ZNF43: variants seen among roughly 807,000 people sequenced by gnomAD.
The protein encoded by ZNF43 is zinc finger protein 43.
A neutral mutation model predicts 68.4 loss-of-function variants in ZNF43; 44 were observed. The ratio of observed to expected loss-of-function variants is 0.64; its 90% CI spans 0.51 to 0.83. The LOEUF (loss-of-function observed/expected upper bound fraction) is 0.83, where lower values mean the gene tolerates loss of function less well. ZNF43 is among the 40% of genes least tolerant of loss of function. The pLI is 0.00. For missense variants in ZNF43, 896 were observed against 933.2 expected (o/e 0.96, Z 0.52); for synonymous variants, 308 against 307.8 (o/e 1.00, Z -0.01).
In ZNF43 at chr19:21,825,458, G is replaced by A. The variant is rs368570751; in HGVS notation, c.4-6237C>T. ...AAAGGGAGGAGAAAGAAATAATTGT[G>A]TTCTCATTTTAATGTCTCTGAGTTT... On this transcript the variant is annotated intron_variant, in intron 1 of 3. Transcript: ENST00000354959. 7.9e-5 allele frequency among the ~76,000 whole-genome samples: 12 copies of A among 152,200 alleles called. No individual in the cohort carries two copies. The East Asian group carries it at 2.1e-3, about 27-fold the overall frequency.
chr19:21,807,546 G>T lies in ZNF43; in HGVS notation c.*61C>A. ...AATTATCTTACCTACAATCAAGTGT[G>T]ACAACCATGTAAAGCCTTTATCACA... On this transcript the variant is annotated 3_prime_UTR_variant, in exon 4 of 4. Coordinates refer to ENST00000354959, the MANE Select transcript of ZNF43 (RefSeq NM_003423.4). 7.1e-7 allele frequency: 1 copy of T among 1,413,076 alleles called. No individual in the cohort carries two copies. The highest frequency in any genetic ancestry group is 9.4e-7 in the Non-Finnish European group (1 of 1,059,770). 87.5% of individuals were successfully genotyped at this position (1,413,076 alleles called of 1,614,324 possible).
At position 21,808,004 on chromosome 19, in the gene ZNF43, T is replaced by C. The variant is rs753496175; in HGVS notation, c.2033A>G (p.Tyr678Cys). ...HKIIHTGEKP[Y>C]KCEECGKAFK... ...AGCTTTGCCACATTCTTCACATTTG[T>C]AGGGTTTCTCTCCAGTATGAATTAT... Residue 678 changes from tyrosine to cysteine, a missense_variant, in exon 4 of 4, where the codon TAC becomes TGC. Transcript: ENST00000354959. 2 of 1,612,900 alleles carry C rather than the reference T, an allele frequency of 1.2e-6. No homozygotes were observed. Among genetic ancestry groups the C allele is most frequent in the Admixed American group, 1.7e-5 (1 of 60,020 alleles).
chr19:21,838,907 A>G (rs891166939), upstream of ZNF43: 1 of 152,172 alleles, frequency 6.6e-6, no homozygotes, highest in Non-Finnish European at 1.5e-5. Context: ...AAGATAAACA[A>G]GATACACTGC....
intron 3 of ZNF43, among the ~76,000 whole-genome samples, chr19:21,815,486 C>CATATATATATGTATAT (rs2037478047): frequency 7.2e-6 from 1 of 139,546 alleles, no homozygotes; most frequent in Non-Finnish European, 1.5e-5. Context: ...AACTAAATTA[C>CATATATATATGTATAT]ATATATATAT....
chr19:21,817,374 G>A (rs1568357464), intron 3 of ZNF43, among the ~76,000 whole-genome samples: 6 of 151,998 alleles, frequency 3.9e-5, no homozygotes. Context: ...AAGCAATCTT[G>A]AGGAAAAAGA....
intron 1 of ZNF43, among the ~76,000 whole-genome samples, chr19:21,846,029 G>A (rs1309297962): frequency 1.3e-5 from 2 of 152,050 alleles, no homozygotes; most frequent in South Asian, 2.1e-4. Flanking sequence ...CCTAAATGCT[G>A]CATCCAGCAA....
At position 21,807,015 on chromosome 19, in the gene ZNF43, G is replaced by A. The variant is rs1419523446; in HGVS notation, c.*592C>T. 6.6e-6 allele frequency: 1 copy of A among 151,920 alleles called. No individual in the cohort carries two copies. Among genetic ancestry groups the A allele is most frequent in the East Asian group, 1.9e-4 (1 of 5,178 alleles). The allele number at this position is 151,920 out of a possible 1,614,324, so 9.4% of individuals were successfully genotyped here. ...GGTTTTTCTCCAATATAAATTCCCTGATGTTGAATAAACTTTGTACTATCA... is the reference window on the plus strand; with the variant it reads ...GGTTTTTCTCCAATATAAATTCCCTAATGTTGAATAAACTTTGTACTATCA... On this transcript the variant is annotated 3_prime_UTR_variant, in exon 4 of 4. Transcript: ENST00000354959.
rs926974599 is a variant in ZNF43, at chr19:21,808,340, T to C, written c.1697A>G (p.Tyr566Cys). The change falls in exon 4 of 4, where the codon TAC becomes TGC. Residue 566 changes from tyrosine (Y) to cysteine (C), a missense_variant. By Grantham distance (194) the Tyr-to-Cys change is radical (BLOSUM62 -2). Coordinates refer to ENST00000354959, the MANE Select transcript of ZNF43 (RefSeq NM_003423.4). The part of the protein sequence containing the change: ...HKRIHTGEKP[Y>C]KCEECGKAFT... ...AGCTTTGCCACATTCTTCACACTTG[T>C]AGGGTTTCTCTCCAGTATGAATCCT... 1.1e-5 allele frequency: 18 copies of C among 1,612,968 alleles called. No homozygotes were observed. Among genetic ancestry groups the C allele is most frequent in the East Asian group, 4.5e-5 (2 of 44,844 alleles).
At chr19:21,818,688 G>A (rs1043946592) in intron 2 of ZNF43, among the ~76,000 whole-genome samples, 3 of 152,120 alleles carry the variant, frequency 2.0e-5, no homozygotes, top group Non-Finnish European at 2.9e-5. Context: ...CCAGAGTACC[G>A]GGATTACAGG....
intron 1 of ZNF43, chr19:21,850,939 T>G (rs572470969): frequency 1.8e-4 from 28 of 152,376 alleles, no homozygotes; most frequent in Middle Eastern, 3.4e-3. Flanking sequence ...CAATCTTACC[T>G]GCAGGAAAGT....
At chr19:21,844,911 A>T (rs1419771304) in intron 1 of ZNF43, among the ~76,000 whole-genome samples, 17 of 103,632 alleles carry the variant, frequency 1.6e-4, no homozygotes, top group South Asian at 2.6e-4. Context: ...AAAAAAAAAA[A>T]AAAAAAAAAA....
intron 3 of ZNF43, among the ~76,000 whole-genome samples, chr19:21,811,081 T>G (rs1220956150): frequency 6.6e-6 from 1 of 152,216 alleles, no homozygotes; most frequent in African/African-American, 2.4e-5. Context: ...TAAAACACAC[T>G]CTTCAACATA....
intron 1 of ZNF43, among the ~76,000 whole-genome samples, chr19:21,835,830 G>A (rs902831662): frequency 6.6e-6 from 1 of 152,218 alleles, no homozygotes; most frequent in African/African-American, 2.4e-5. Context: ...ACAGAGGGCT[G>A]CAGGCCGGGA....
At position 21,835,894 on chromosome 19, in the gene ZNF43, G is replaced by A. The variant is rs187902097; in HGVS notation, c.3+142C>T. Reference sequence around the variant, plus strand: ...ACGCCCGGGGCTGCCTCCCAGAGCAGCCGCCATCTTATGGCTGAAGGGGAT... The same window carrying A: ...ACGCCCGGGGCTGCCTCCCAGAGCAACCGCCATCTTATGGCTGAAGGGGAT... On this transcript the variant is annotated intron_variant, in intron 1 of 3. Transcript: ENST00000354959. 2.0e-5 allele frequency: 29 copies of A among 1,430,732 alleles called. No homozygotes were observed. The South Asian group carries it at 2.5e-4, about 12-fold the overall frequency. 88.6% of individuals were successfully genotyped at this position (1,430,732 alleles called of 1,614,324 possible).
rs1245172569 is a variant in ZNF43, at chr19:21,807,926, T to A, written c.2111A>T (p.Lys704Ile). ...GCCACATTTTTCACATTTGTAGGGTTTCTCTCCAGTATGAATAATCTTATG... is the reference window on the plus strand; with the variant it reads ...GCCACATTTTTCACATTTGTAGGGTATCTCTCCAGTATGAATAATCTTATG... ...STHKIIHTGE[K>I]PYKCEKCGKA... Residue 704 changes from lysine (K) to isoleucine (I), a missense_variant, in exon 4 of 4, where the codon AAA (lysine) becomes ATA (isoleucine). Coordinates refer to ENST00000354959, the MANE Select transcript of ZNF43 (RefSeq NM_003423.4). 3.7e-6 allele frequency: 6 copies of A among 1,612,972 alleles called. No individual in the cohort carries two copies. The highest frequency in any genetic ancestry group is 5.1e-6 in the Non-Finnish European group (6 of 1,179,774).
chr19:21,816,092 A>G (rs2037514898), intron 3 of ZNF43, among the ~76,000 whole-genome samples: 1 of 152,010 alleles, frequency 6.6e-6, no homozygotes, highest in Non-Finnish European at 1.5e-5. Flanking sequence ...AGAAAAACTA[A>G]AAACTAAAAA....
intron 1 of ZNF43, among the ~76,000 whole-genome samples, chr19:21,833,529 CA>C (rs1379671115): frequency 6.6e-6 from 1 of 151,652 alleles, no homozygotes; most frequent in Non-Finnish European, 1.5e-5. Context: ...CTCGGCCTCC[CA>C]AAGTGTTGGG....
chr19:21,809,348 T>C lies in ZNF43; in HGVS notation c.689A>G (p.Tyr230Cys). The C allele has an allele frequency of 6.2e-7, 1 of 1,613,832 alleles. No homozygotes were observed. Among genetic ancestry groups the C allele is most frequent in the Non-Finnish European group, 8.5e-7 (1 of 1,179,894 alleles). ...GACTTTGCCACATTCTTCACATGTG[T>C]AGGGTTTCTCTCCAGTATTAATTCT... ...HKRINTGEKP[Y>C]TCEECGKVFN... Residue 230 changes from tyrosine (Y) to cysteine (C), a missense_variant, in exon 4 of 4, where the codon TAC (tyrosine) becomes TGC (cysteine). Coordinates refer to ENST00000354959, the MANE Select transcript of ZNF43 (RefSeq NM_003423.4).
rs2036970947 is a variant in ZNF43, at chr19:21,806,990, G to C, written c.*617C>G. On this transcript the variant is annotated 3_prime_UTR_variant, in exon 4 of 4. Coordinates refer to ENST00000354959, the MANE Select transcript of ZNF43 (RefSeq NM_003423.4). ...TTTTCCAAACTGATTACATTTGTAG[G>C]GTTTTTCTCCAATATAAATTCCCTG... The C allele has an allele frequency of 6.6e-6, 1 of 151,836 alleles. No homozygotes were observed. The highest frequency in any genetic ancestry group is 6.6e-5 in the Admixed American group (1 of 15,220). The allele number at this position is 151,836 out of a possible 1,614,324, so 9.4% of individuals were successfully genotyped here. A position where few individuals can be genotyped will look rare whatever the true frequency, so the allele number is the denominator to read the frequency against.
Sources: gnomAD v4.1 joint callset for allele counts (sites outside exome capture counted in the v4.1 genomes callset) on GRCh38, gnomAD v4.1.1 for gene constraint, MANE v1.5 for transcripts, NCBI Gene and HGNC (gene_info 2026-07-23, HGNC 2026-07-21) for gene names.